The following SNX31 variants were observed in gnomAD, a reference collection of about 807,000 sequenced individuals.
The protein encoded by SNX31 is sorting nexin 31, also known as sorting nexin-31.
In SNX31, 58 loss-of-function variants were observed where a neutral mutation model predicts 65.4. The ratio of observed to expected loss-of-function variants is 0.89; its 90% CI spans 0.72 to 1.10. The LOEUF is 1.10. Among genes scored for constraint, SNX31 ranks in the 50% least tolerant of loss-of-function variants. SNX31 has a pLI of 0.00. For synonymous variants in SNX31, 181 were observed against 190.1 expected (o/e 0.95, Z 0.39); for missense variants, 523 against 529.7 (o/e 0.99, Z 0.12).
chr8:100,619,766 A>G (rs1031307606), intron 4 of SNX31: 1 of 152,234 alleles, frequency 6.6e-6, no homozygotes, highest in African/African-American at 2.4e-5. Flanking sequence ...TTAAACTCTA[A>G]TGCCCCAAGG....
intron 8 of SNX31, among the ~76,000 whole-genome samples, chr8:100,607,093 G>C (rs192605418): frequency 6.6e-6 from 1 of 152,178 alleles, no homozygotes; most frequent in Non-Finnish European, 1.5e-5. Context: ...GGAGGAAAAA[G>C]AACAAGGACA....
chr8:100,644,143 G>C (rs566664734), intron 2 of SNX31, among the ~76,000 whole-genome samples: 3 of 152,010 alleles, frequency 2.0e-5, no homozygotes, highest in Admixed American at 1.3e-4. Flanking sequence ...CAGAGGGGAA[G>C]CAGCCAAGTT....
intron 3 of SNX31, among the ~76,000 whole-genome samples, chr8:100,633,640 G>C (rs1283258863): frequency 6.6e-6 from 1 of 151,994 alleles, no homozygotes. Flanking sequence ...CCTGGCCTCA[G>C]ATGATCTGCC....
intron 10 of SNX31, among the ~76,000 whole-genome samples, chr8:100,591,299 C>A (rs532471169): frequency 6.6e-6 from 1 of 152,110 alleles, no homozygotes; most frequent in African/African-American, 2.4e-5. Flanking sequence ...GCAGCTAAGG[C>A]ACAAAGGGCT....
intron 2 of SNX31, among the ~76,000 whole-genome samples, chr8:100,641,739 G>C (rs1338152278): frequency 7.3e-6 from 1 of 137,728 alleles, no homozygotes; most frequent in East Asian, 2.1e-4. Flanking sequence ...TTTTGAGACA[G>C]GGTCTCACTC....
At chr8:100,601,954 T>A (rs1892738) in intron 8 of SNX31, among the ~76,000 whole-genome samples, 44,843 of 152,098 alleles carry the variant, frequency 0.29, 6,978 homozygotes, top group Admixed American at 0.4. Context: ...TCCCTTCCCC[T>A]TTAGCCAGTC....
Position 100,576,632 on chromosome 8 carries a change from A to G in SNX31, c.1227+387T>C, listed in dbSNP as rs1304923853. ...CTGCACAGCAGATCTAAATGCTCAAAAAGTATTTTGTAAACTTAAAAGTTG... is the reference window on the plus strand; with the variant it reads ...CTGCACAGCAGATCTAAATGCTCAAGAAGTATTTTGTAAACTTAAAAGTTG... On this transcript the variant is annotated intron_variant, in intron 13 of 13. Transcript: ENST00000311812. The surrounding 1 kb of genome is among the most constrained non-coding windows in gnomAD (Gnocchi z 4.8). 6.6e-6 allele frequency among the ~76,000 whole-genome samples: 1 copy of G among 152,228 alleles called. No homozygotes were observed. The highest frequency in any genetic ancestry group is 1.5e-5 in the Non-Finnish European group (1 of 68,038).
intron 8 of SNX31, among the ~76,000 whole-genome samples, chr8:100,603,745 C>CTT (rs767771084): frequency 7.9e-6 from 1 of 127,338 alleles, no homozygotes; most frequent in Non-Finnish European, 1.7e-5. Flanking sequence ...CACACCCGGC[C>CTT]TTTTTTTTTT....
Position 100,594,287 on chromosome 8 carries a change from G to C in SNX31, c.978+2352C>G, listed in dbSNP as rs1174533981. Among the ~76,000 whole-genome samples the C allele has an allele frequency of 6.6e-6, 1 of 152,136 alleles. No homozygotes were observed. The highest frequency in any genetic ancestry group is 1.5e-5 in the Non-Finnish European group (1 of 68,026). On this transcript the variant is annotated intron_variant, in intron 10 of 13. Coordinates refer to ENST00000311812, the MANE Select transcript of SNX31 (RefSeq NM_152628.4). The surrounding 1 kb of genome is among the most constrained non-coding windows in gnomAD (Gnocchi z 4.0). ...CCACTGCACTCCAGCCTGGGCGACA[G>C]AGCAAGACTCTGTCTCAAAACAAAA...
At chr8:100,581,333 C>CTATATATATATATA (rs1330316859) in intron 12 of SNX31, among the ~76,000 whole-genome samples, 1 of 137,226 alleles carries the variant, frequency 7.3e-6, no homozygotes, top group African/African-American at 3.1e-5. Flanking sequence ...ATCTATCTAT[C>CTATATATATATATA]TATCTATATA....
At chr8:100,628,813 G>GGTGTGTGTGT (rs35911139) in intron 4 of SNX31, among the ~76,000 whole-genome samples, 9 of 144,004 alleles carry the variant, frequency 6.2e-5, no homozygotes, top group African/African-American at 1.8e-4. Flanking sequence ...AAATAAAATG[G>GGTGTGTGTGT]GTGTGTGTGT....
Position 100,643,292 on chromosome 8 carries a change from C to T in SNX31, c.141+5982G>A, listed in dbSNP as rs192975221. Among the ~76,000 whole-genome samples, 468 of 152,304 alleles carry T rather than the reference C, an allele frequency of 3.1e-3. 1 individual carries two copies. The highest frequency in any genetic ancestry group is 0.011 in the African/African-American group (448 of 41,576). On this transcript the variant is annotated intron_variant, in intron 2 of 13. Transcript: ENST00000311812. ...GCTCTGCCTTTTAACATGAAGAGGC[C>T]TTTACAGGCCAGTTGAAAATGTCAC...
Position 100,613,166 on chromosome 8 carries a change from T to C in SNX31, c.433-81A>G. On this transcript the variant is annotated intron_variant, in intron 5 of 13. Transcript: ENST00000311812. The surrounding 1 kb of genome is among the most constrained non-coding windows in gnomAD (Gnocchi z 5.2). Reference sequence around the variant, plus strand: ...TAACTGTGACATGCAGACTTGGAAATGGCCGGTACACATCAATAAAAAATG... The same window carrying C: ...TAACTGTGACATGCAGACTTGGAAACGGCCGGTACACATCAATAAAAAATG... 1 of 1,080,500 alleles carries C rather than the reference T, an allele frequency of 9.3e-7. No homozygotes were observed. Among genetic ancestry groups the C allele is most frequent in the Non-Finnish European group, 1.4e-6 (1 of 702,892 alleles). The allele number at this position is 1,080,500 out of a possible 1,614,324, so 66.9% of individuals were successfully genotyped here.
At chr8:100,585,785 G>C (rs1813988788) in intron 11 of SNX31, among the ~76,000 whole-genome samples, 1 of 152,174 alleles carries the variant, frequency 6.6e-6, no homozygotes. Flanking sequence ...CCAATAAGAT[G>C]CAGACCAATT....
At chr8:100,615,826 G>A (rs551874049) in intron 5 of SNX31, among the ~76,000 whole-genome samples, 2 of 152,298 alleles carry the variant, frequency 1.3e-5, no homozygotes, top group East Asian at 3.9e-4. Flanking sequence ...CTGGAGTGCA[G>A]TGGCGCGATC....
At chr8:100,586,060 A>G (rs912438221) in intron 11 of SNX31, among the ~76,000 whole-genome samples, 1 of 152,134 alleles carries the variant, frequency 6.6e-6, no homozygotes, top group African/African-American at 2.4e-5. Context: ...AGCTGGGATT[A>G]CAGGTGCCTG....
At chr8:100,618,138 T>A (rs1329449608) in intron 4 of SNX31, 1 of 985,290 alleles carries the variant, frequency 1.0e-6, no homozygotes, top group African/African-American at 1.7e-5. Context: ...GGTGCTCTTC[T>A]AGCATATGGT....
intron 3 of SNX31, among the ~76,000 whole-genome samples, chr8:100,634,984 C>A (rs1413026413): frequency 1.3e-5 from 1 of 78,190 alleles, no homozygotes; most frequent in Non-Finnish European, 2.3e-5. Context: ...GATTGCTTGA[C>A]CCCCCAGGAG....
intron 4 of SNX31, chr8:100,618,141 C>T: frequency 1.0e-6 from 1 of 985,354 alleles, no homozygotes; most frequent in African/African-American, 1.7e-5. Context: ...GCTCTTCTAG[C>T]ATATGGTACC....
Sources: allele counts gnomAD v4.1 joint callset (sites outside exome capture counted in the v4.1 genomes callset), GRCh38; gene constraint gnomAD v4.1.1; non-coding constraint Gnocchi (gnomAD v3.1); transcripts MANE v1.5; gene names NCBI Gene and HGNC (gene_info 2026-07-23, HGNC 2026-07-21).